Variants in MGAT4C observed in about 807,000 individuals in gnomAD.
The protein encoded by MGAT4C is alpha-1,3-mannosyl-glycoprotein 4-beta-N-acetylglucosaminyltransferase C.
In MGAT4C, 19 loss-of-function variants were observed where a neutral mutation model predicts 40.1. The ratio of observed to expected loss-of-function variants is 0.47; its 90% CI spans 0.33 to 0.70. The LOEUF is 0.70. Among genes scored for constraint, MGAT4C ranks in the 30% least tolerant of loss-of-function variants. The probability of loss-of-function intolerance (pLI) is 0.02; values close to 1 mark genes in which losing one functional copy is unlikely to be tolerated. For synonymous variants in MGAT4C, 181 were observed against 187.1 expected, an observed-to-expected ratio of 0.97 and a Z score of 0.27; for missense variants, 491 against 563.2, an observed-to-expected ratio of 0.87 and a Z score of 1.30.
intron 3 of MGAT4C, among the ~76,000 whole-genome samples, chr12:86,408,846 C>A (rs1474316946): frequency 6.6e-6 from 1 of 151,936 alleles, no homozygotes; most frequent in African/African-American, 2.4e-5. Flanking sequence ...TTCCCTTGTT[C>A]ATTTTTAATG....
Position 85,967,684 on chromosome 12 carries a change from A to G in MGAT4C, c.*11605T>C, listed in dbSNP as rs1346841541. 6.6e-6 allele frequency: 1 copy of G among 152,120 alleles called. No homozygotes were observed. Among genetic ancestry groups the G allele is most frequent in the African/African-American group, 2.4e-5 (1 of 41,458 alleles). 9.4% of individuals were successfully genotyped at this position (152,120 alleles called of 1,614,324 possible). ...AATAATGTATTCATTGATCTCATAA[A>G]GAATAGATGATCAGATTTTTTAAAA... On this transcript the variant is annotated 3_prime_UTR_variant, in exon 5 of 5. Coordinates refer to ENST00000611864, the MANE Select transcript of MGAT4C (RefSeq NM_001351288.2).
intron 2 of MGAT4C, among the ~76,000 whole-genome samples, chr12:85,999,583 G>GTA (rs67914292): frequency 0.15 from 17,787 of 122,412 alleles, 1,304 homozygotes; most frequent in East Asian, 0.29. Flanking sequence ...GTGTGTGTGT[G>GTA]TATATATATA....
intron 1 of MGAT4C, among the ~76,000 whole-genome samples, chr12:86,254,043 A>G (rs1418854198): frequency 1.3e-5 from 2 of 151,888 alleles, no homozygotes; most frequent in Non-Finnish European, 2.9e-5. Flanking sequence ...TCTTCTTAAT[A>G]CTGGTTACAT....
chr12:85,980,042 T>A lies in MGAT4C; in HGVS notation c.684A>T (p.Arg228=). 3 of 1,613,696 alleles carry A rather than the reference T, an allele frequency of 1.9e-6. No homozygotes were observed. Among genetic ancestry groups the A allele is most frequent in the Non-Finnish European group, 2.5e-6 (3 of 1,179,848 alleles). Residue 228 remains arginine, a synonymous_variant, in exon 5 of 5, where the codon CGA becomes CGT. Transcript: ENST00000611864. ...DYYVMLEDDV[R]CSKNFLTAIK... is the part of the protein sequence containing the mutation. ...TGGCAGTTAAGAAATTTTTTGAACA[T>A]CGAACATCATCTTCAAGCATTACAT...
intron 2 of MGAT4C, among the ~76,000 whole-genome samples, chr12:86,015,252 A>AGTGT (rs1565861849): frequency 2.9e-5 from 4 of 138,752 alleles, no homozygotes; most frequent in Non-Finnish European, 3.1e-5. Context: ...CTTTTGCACC[A>AGTGT]ATGTGTGTGT....
intron 1 of MGAT4C, among the ~76,000 whole-genome samples, chr12:86,100,516 A>G (rs1211560684): frequency 1.3e-5 from 2 of 151,386 alleles, no homozygotes; most frequent in African/African-American, 4.8e-5. Flanking sequence ...GCCCACCACC[A>G]TTCCATGTTG....
intron 3 of MGAT4C, among the ~76,000 whole-genome samples, chr12:86,376,804 C>CAG (rs1565715938): frequency 1.0e-5 from 1 of 96,732 alleles, no homozygotes; most frequent in Non-Finnish European, 2.1e-5. Flanking sequence ...GAGAGAGAGA[C>CAG]AGAGAGAGAG....
intron 1 of MGAT4C, among the ~76,000 whole-genome samples, chr12:86,731,918 G>C (rs1014184251): frequency 2.0e-5 from 3 of 152,086 alleles, no homozygotes; most frequent in African/African-American, 7.2e-5. Flanking sequence ...AGCACTAGAA[G>C]TCAAGATAGG....
chr12:86,177,610 C>A (rs775306935), intron 1 of MGAT4C, among the ~76,000 whole-genome samples: 1 of 151,848 alleles, frequency 6.6e-6, no homozygotes, highest in African/African-American at 2.4e-5. Flanking sequence ...GTCACCAACA[C>A]CCTATATTTA....
intron 1 of MGAT4C, among the ~76,000 whole-genome samples, chr12:86,246,254 C>T (rs549730906): frequency 6.8e-6 from 1 of 147,650 alleles, no homozygotes; most frequent in Admixed American, 6.8e-5. Flanking sequence ...GGCTTGATCT[C>T]CGCTCACTGC....
intron 2 of MGAT4C, among the ~76,000 whole-genome samples, chr12:86,020,589 G>T (rs2136862455): frequency 6.6e-6 from 1 of 152,262 alleles, no homozygotes; most frequent in Non-Finnish European, 1.5e-5. Context: ...ATTAATTCAA[G>T]ATGGATTAAA....
chr12:86,799,100 A>G (rs1467739028), intron 1 of MGAT4C, among the ~76,000 whole-genome samples: 2 of 151,812 alleles, frequency 1.3e-5, no homozygotes, highest in African/African-American at 2.4e-5. Flanking sequence ...CAATATGAAG[A>G]GAAGGATTTG....
intron 2 of MGAT4C, among the ~76,000 whole-genome samples, chr12:86,449,594 G>A (rs547497655): frequency 7.0e-4 from 106 of 152,066 alleles, no homozygotes; most frequent in African/African-American, 2.4e-3. Flanking sequence ...CCAACGACTC[G>A]GTGGTAACGA....
At chr12:86,058,062 G>C (rs1358194268) in intron 1 of MGAT4C, among the ~76,000 whole-genome samples, 3 of 151,978 alleles carry the variant, frequency 2.0e-5, no homozygotes, top group Non-Finnish European at 1.5e-5. Flanking sequence ...TTTTATAAAA[G>C]AGAGAGTAAA....
intron 1 of MGAT4C, among the ~76,000 whole-genome samples, chr12:86,145,131 T>A (rs1404247005): frequency 6.6e-6 from 1 of 152,182 alleles, no homozygotes; most frequent in Non-Finnish European, 1.5e-5. Flanking sequence ...ATTTTAAGCA[T>A]AATAAGAAAT....
In MGAT4C at chr12:86,272,309, GT is replaced by G. The variant is rs572977997; in HGVS notation, c.-57+61755del. Among the ~76,000 whole-genome samples the G allele has an allele frequency of 3.0e-3, 455 of 152,218 alleles. 2 individuals carry two copies. Among genetic ancestry groups the G allele is most frequent in the African/African-American group, 0.01 (434 of 41,540 alleles). ...TTATCCTTAGATGGACATTTGGATT[GT>G]TTCCATGTTTTGGCTAGTGTGAATG... On this transcript the variant is annotated intron_variant, in intron 4 of 7. Transcript: ENST00000548651.
At chr12:86,761,998 T>C (rs552845417) in intron 1 of MGAT4C, among the ~76,000 whole-genome samples, 1 of 152,194 alleles carries the variant, frequency 6.6e-6, no homozygotes, top group East Asian at 1.9e-4. Context: ...ATGGGTTAGC[T>C]GAGTCCTCTG....
chr12:86,532,236 T>C (rs1958997986), intron 2 of MGAT4C, among the ~76,000 whole-genome samples: 1 of 151,968 alleles, frequency 6.6e-6, no homozygotes, highest in Admixed American at 6.6e-5. Context: ...TTAGACAATC[T>C]GTGGATTCAT....
intron 1 of MGAT4C, among the ~76,000 whole-genome samples, chr12:86,070,089 A>ATT (rs369712667): frequency 0.039 from 5,537 of 142,440 alleles, 336 homozygotes; most frequent in African/African-American, 0.13. Flanking sequence ...TTTGCATTGG[A>ATT]TTTTTTTTTT....
Sources: allele counts gnomAD v4.1 joint callset (sites outside exome capture counted in the v4.1 genomes callset), GRCh38; gene constraint gnomAD v4.1.1; transcripts MANE v1.5; gene names NCBI Gene and HGNC (gene_info 2026-07-23, HGNC 2026-07-21).